Variants in SGMS2 observed in about 807,000 individuals in gnomAD.
The protein encoded by SGMS2 is sphingomyelin synthase 2.
In SGMS2, 21 loss-of-function variants were observed where a neutral mutation model predicts 43.8. The observed-to-expected ratio is 0.48, with a 90% CI of 0.34 to 0.69. SGMS2 has a LOEUF of 0.69. SGMS2 is among the 30% of genes least tolerant of loss of function. The pLI, the probability that SGMS2 is intolerant of heterozygous loss-of-function variation, is 0.01. For synonymous variants in SGMS2, 167 were observed against 160.6 expected (o/e 1.04, Z -0.30); for missense variants, 384 against 443.2 (o/e 0.87, Z 1.20).
At chr4:107,859,015 C>G (rs1172467381) in intron 2 of SGMS2, among the ~76,000 whole-genome samples, 1 of 152,080 alleles carries the variant, frequency 6.6e-6, no homozygotes, top group African/African-American at 2.4e-5. Context: ...TTATCTAAAC[C>G]AAAATTAAAG....
Position 107,853,119 on chromosome 4 carries a change from C to G in SGMS2, c.-326-5353C>G, listed in dbSNP as rs1315031629. 3.3e-5 allele frequency among the ~76,000 whole-genome samples: 5 copies of G among 152,036 alleles called. No homozygotes were observed. In the South Asian group the frequency reaches 8.3e-4, roughly 25 times the overall value. On this transcript the variant is annotated intron_variant, in intron 1 of 6. Transcript: ENST00000690982. ...ATGACTTTAACCTTAGGAGGTTAAT[C>G]ATTTGGATATAACAACTTTGTGTCA...
intron 2 of SGMS2, 124 bp downstream of exon 2, chr4:107,858,677 G>A (rs1242402249): frequency 2.0e-5 from 3 of 150,910 alleles, no homozygotes; most frequent in Non-Finnish European, 2.9e-5. Flanking sequence ...CTTTGCTGCT[G>A]CTATCTTCCC....
chr4:107,907,940 G>A (rs1731724434), intron 5 of SGMS2: 2 of 152,174 alleles, frequency 1.3e-5, no homozygotes, highest in African/African-American at 4.8e-5. Flanking sequence ...GCTTTACCAG[G>A]AAGGCTGAGT....
chr4:107,908,529 G>A lies in SGMS2; in HGVS notation c.728-36G>A, dbSNP rs769302025. ...CTGTAATCATTACATTCATCTCTGGGAATCTTATTAACTCTGTAATTTTTC... is the reference window on the plus strand; with the variant it reads ...CTGTAATCATTACATTCATCTCTGGAAATCTTATTAACTCTGTAATTTTTC... On this transcript the variant is annotated intron_variant, in intron 5 of 6. Transcript: ENST00000690982. The A allele has an allele frequency of 6.3e-5, 100 of 1,589,492 alleles. 1 individual carries two copies. The South Asian group carries it at 1.1e-3, about 18-fold the overall frequency.
In SGMS2 at chr4:107,903,227, A is replaced by G; in HGVS notation, c.574-6A>G. On this transcript the variant is annotated splice_region_variant and splice_polypyrimidine_tract_variant and intron_variant, in intron 4 of 6. Transcript: ENST00000690982. ...ATTCCCTTCTTAATCTTCTTGTGTC[A>G]TTCAGCTCAATGGAGACTCTCAGGC... 6.2e-7 allele frequency: 1 copy of G among 1,613,762 alleles called. No individual in the cohort carries two copies. The highest frequency in any genetic ancestry group is 8.5e-7 in the Non-Finnish European group (1 of 1,179,710).
At chr4:107,878,952 C>T (rs1729130513) in intron 2 of SGMS2, among the ~76,000 whole-genome samples, 1 of 152,150 alleles carries the variant, frequency 6.6e-6, no homozygotes, top group Non-Finnish European at 1.5e-5. Flanking sequence ...AGCAGTCTTC[C>T]ACCATCCCTG....
intron 1 of SGMS2, among the ~76,000 whole-genome samples, chr4:107,826,258 G>T (rs531844156): frequency 6.6e-6 from 1 of 152,350 alleles, no homozygotes; most frequent in East Asian, 1.9e-4. Flanking sequence ...ATAATAGTGT[G>T]TTGCAGCTGG....
chr4:107,893,329 A>G (rs533550666), intron 2 of SGMS2: 38 of 152,368 alleles, frequency 2.5e-4, no homozygotes, highest in African/African-American at 8.9e-4. Context: ...GACTAGGAGC[A>G]CATATGGAAG....
chr4:107,881,915 G>C (rs1322820553), intron 2 of SGMS2, among the ~76,000 whole-genome samples: 1 of 152,106 alleles, frequency 6.6e-6, no homozygotes, highest in Non-Finnish European at 1.5e-5. Flanking sequence ...ATGTTTTCCA[G>C]TTCCATCCAT....
intron 2 of SGMS2, among the ~76,000 whole-genome samples, chr4:107,869,868 A>G (rs779226598): frequency 1.3e-5 from 2 of 152,210 alleles, no homozygotes; most frequent in Non-Finnish European, 1.5e-5. Flanking sequence ...TTAAGTCAAA[A>G]TAAGCAATGG....
At chr4:107,889,142 TA>T (rs1265012623) in intron 2 of SGMS2, among the ~76,000 whole-genome samples, 1 of 152,188 alleles carries the variant, frequency 6.6e-6, no homozygotes, top group South Asian at 2.1e-4. Flanking sequence ...CCCTGTGGAC[TA>T]AACTGCCCAA....
intron 1 of SGMS2, among the ~76,000 whole-genome samples, chr4:107,848,974 G>A (rs377100941): frequency 3.3e-5 from 5 of 151,874 alleles, no homozygotes; most frequent in African/African-American, 1.2e-4. Flanking sequence ...CCAAACCTAA[G>A]GTCACTTAGA....
chr4:107,859,786 A>G (rs772967821), intron 2 of SGMS2, among the ~76,000 whole-genome samples: 4 of 152,172 alleles, frequency 2.6e-5, no homozygotes, highest in African/African-American at 9.7e-5. Context: ...AACCCCCTTC[A>G]GGATGGCAGA....
At chr4:107,852,856 C>G (rs530580571) in intron 1 of SGMS2, among the ~76,000 whole-genome samples, 1 of 151,786 alleles carries the variant, frequency 6.6e-6, no homozygotes, top group Non-Finnish European at 1.5e-5. Flanking sequence ...TTTACAATAG[C>G]CCTGGAAAGC....
chr4:107,890,738 T>C (rs1244658194), intron 2 of SGMS2, among the ~76,000 whole-genome samples: 2 of 151,734 alleles, frequency 1.3e-5, no homozygotes, highest in Non-Finnish European at 2.9e-5. Context: ...TGAAGGCCTT[T>C]TAAATACAAA....
Position 107,908,739 on chromosome 4 carries a change from C to T in SGMS2, c.894+8C>T, listed in dbSNP as rs1483718194. On this transcript the variant is annotated splice_region_variant and intron_variant, in intron 6 of 6. Coordinates refer to ENST00000690982, the MANE Select transcript of SGMS2 (RefSeq NM_001375905.1). Reference sequence around the variant, plus strand: ...TCAATGGCCAATGAAAAGGTGAGAGCAGTGAAGATGCTTGGATAATTTCTT... The same window carrying T: ...TCAATGGCCAATGAAAAGGTGAGAGTAGTGAAGATGCTTGGATAATTTCTT... 2 of 1,609,806 alleles carry T rather than the reference C, an allele frequency of 1.2e-6. No homozygotes were observed. The highest frequency in any genetic ancestry group is 1.3e-5 in the African/African-American group (1 of 74,778).
chr4:107,866,441 C>G (rs901859327), intron 2 of SGMS2, among the ~76,000 whole-genome samples: 54 of 151,994 alleles, frequency 3.6e-4, no homozygotes, highest in African/African-American at 1.3e-3. Flanking sequence ...TGGTGTGCAC[C>G]TGTAATCCTA....
intron 6 of SGMS2, among the ~76,000 whole-genome samples, chr4:107,908,991 T>C (rs1731858346): frequency 6.6e-6 from 1 of 152,186 alleles, no homozygotes; most frequent in Non-Finnish European, 1.5e-5. Flanking sequence ...AAAATATATG[T>C]ACTAAATTAA....
At chr4:107,893,558 A>G (rs1730418997) in intron 2 of SGMS2, 1 of 152,282 alleles carries the variant, frequency 6.6e-6, no homozygotes, top group Admixed American at 6.5e-5. Flanking sequence ...GACACTGTCA[A>G]GCCTGGGCCT....
Sources: gnomAD v4.1 joint callset for allele counts (sites outside exome capture counted in the v4.1 genomes callset) on GRCh38, gnomAD v4.1.1 for gene constraint, MANE v1.5 for transcripts, NCBI Gene and HGNC (gene_info 2026-07-23, HGNC 2026-07-21) for gene names.